The following TTC28 variants were observed in gnomAD, a reference collection of about 807,000 sequenced individuals.
The protein encoded by TTC28 is tetratricopeptide repeat domain 28, also known as tetratricopeptide repeat protein 28.
In TTC28, 61 loss-of-function variants were observed where a neutral mutation model predicts 198.0. That is an observed-to-expected ratio of 0.31 (90% CI 0.25 to 0.38). The LOEUF is 0.38. Among genes scored for constraint, TTC28 ranks in the 10% least tolerant of loss-of-function variants. The probability of loss-of-function intolerance (pLI) is 1.00; values close to 1 mark genes in which losing one functional copy is unlikely to be tolerated. For synonymous variants in TTC28, 1,171 were observed against 1,297.8 expected (o/e 0.90, Z 2.10); for missense variants, 2,678 against 3,164.0 (o/e 0.85, Z 3.69).
intron 2 of TTC28, among the ~76,000 whole-genome samples, chr22:28,553,682 C>T (rs1392687800): frequency 2.0e-5 from 3 of 151,816 alleles, no homozygotes; most frequent in Admixed American, 6.6e-5. Context: ...CCAGGCCAGC[C>T]GCCCCGTCCG....
At chr22:28,420,761 A>G (rs975245604) in intron 2 of TTC28, among the ~76,000 whole-genome samples, 4 of 151,820 alleles carry the variant, frequency 2.6e-5, no homozygotes, top group Admixed American at 2.0e-4. Flanking sequence ...TACCACGCCC[A>G]GCTAATTTTT....
intron 2 of TTC28, among the ~76,000 whole-genome samples, chr22:28,626,925 T>C (rs1212559720): frequency 6.6e-6 from 1 of 151,966 alleles, no homozygotes; most frequent in African/African-American, 2.4e-5. Flanking sequence ...TTTTGGGGTG[T>C]AGAAGTCACA....
chr22:28,232,874 G>A (rs1928922203), intron 5 of TTC28: 1 of 152,132 alleles, frequency 6.6e-6, no homozygotes, highest in South Asian at 2.1e-4. Flanking sequence ...GCTAAGGTGG[G>A]TGGATTGCCC....
intron 14 of TTC28, among the ~76,000 whole-genome samples, chr22:28,004,627 G>A (rs1285420281): frequency 6.6e-6 from 1 of 152,226 alleles, no homozygotes; most frequent in Non-Finnish European, 1.5e-5. Context: ...AATGAGGCAG[G>A]TGACAGTCGC....
chr22:28,119,107 G>A (rs1378453831), intron 6 of TTC28, among the ~76,000 whole-genome samples: 4 of 152,134 alleles, frequency 2.6e-5, no homozygotes, highest in Non-Finnish European at 5.9e-5. Flanking sequence ...ATGTGGCACA[G>A]TGCTTTATGG....
chr22:28,013,795 A>G (rs934215573), intron 14 of TTC28, among the ~76,000 whole-genome samples: 1 of 152,146 alleles, frequency 6.6e-6, no homozygotes, highest in Non-Finnish European at 1.5e-5. Context: ...CCACGGCCAC[A>G]TCCCCGAGGC....
At chr22:28,591,930 A>G (rs1329563331) in intron 2 of TTC28, among the ~76,000 whole-genome samples, 4 of 152,216 alleles carry the variant, frequency 2.6e-5, no homozygotes, top group African/African-American at 9.6e-5. Context: ...AGTATTTGAA[A>G]ATATGAATAA....
At chr22:28,542,191 C>G (rs1423635291) in intron 2 of TTC28, among the ~76,000 whole-genome samples, 1 of 152,012 alleles carries the variant, frequency 6.6e-6, no homozygotes, top group Non-Finnish European at 1.5e-5. Flanking sequence ...AAATAAAACT[C>G]ACTAGATAAA....
intron 2 of TTC28, among the ~76,000 whole-genome samples, chr22:28,613,810 T>A (rs1040510091): frequency 6.6e-6 from 1 of 152,156 alleles, no homozygotes. Context: ...TAATAAGAAC[T>A]ATTTATGATA....
intron 5 of TTC28, among the ~76,000 whole-genome samples, chr22:28,209,184 T>G (rs1456369847): frequency 6.6e-6 from 1 of 152,178 alleles, no homozygotes. Context: ...GAGAGAAGAC[T>G]GGGATGGCCG....
At chr22:28,266,274 G>A (rs745690733) in intron 5 of TTC28, among the ~76,000 whole-genome samples, 5 of 151,922 alleles carry the variant, frequency 3.3e-5, no homozygotes, top group African/African-American at 7.3e-5. Context: ...TCTTAGTCCC[G>A]TTTTCCCTTC....
At chr22:28,206,205 TG>T (rs1426619280) in intron 5 of TTC28, among the ~76,000 whole-genome samples, 1 of 152,128 alleles carries the variant, frequency 6.6e-6, no homozygotes, top group East Asian at 1.9e-4. Flanking sequence ...GATCACAGAC[TG>T]GTAAGTGATG....
At chr22:28,145,027 A>G (rs1361749021) in intron 6 of TTC28, among the ~76,000 whole-genome samples, 1 of 152,234 alleles carries the variant, frequency 6.6e-6, no homozygotes, top group African/African-American at 2.4e-5. Flanking sequence ...AGGTCACCTC[A>G]CTTTGAAGCC....
chr22:27,989,926 C>G lies in TTC28; in HGVS notation c.5659G>C (p.Val1887Leu). Residue 1887 changes from valine (V) to leucine (L), a missense_variant, in exon 21 of 23, where the codon GTC becomes CTC. Physicochemically the swap from Val to Leu is conservative, Grantham distance 32. Transcript: ENST00000397906. ...ASAPIQVSISVQLWRLPGCHE... is the reference protein window; with the variant it reads ...ASAPIQVSISLQLWRLPGCHE... ...CATCCCGGGAGCCGCCACAGCTGGA[C>G]GCTGATGGAGACCTGAATGGGAGCT... 6.4e-7 allele frequency: 1 copy of G among 1,551,432 alleles called. No homozygotes were observed. The highest frequency in any genetic ancestry group is 8.7e-7 in the Non-Finnish European group (1 of 1,146,920).
intron 5 of TTC28, among the ~76,000 whole-genome samples, chr22:28,186,223 T>C (rs1601443534): frequency 6.6e-6 from 1 of 152,198 alleles, no homozygotes; most frequent in South Asian, 2.1e-4. Flanking sequence ...CCCCCACAGA[T>C]ATAAAAATTA....
chr22:28,169,637 A>G (rs1048168735), intron 5 of TTC28, among the ~76,000 whole-genome samples: 36 of 152,104 alleles, frequency 2.4e-4, no homozygotes, highest in African/African-American at 8.5e-4. Context: ...ACATGGACAC[A>G]GGAAGGGGAA....
At chr22:28,644,272 A>C (rs557976053) in intron 1 of TTC28, among the ~76,000 whole-genome samples, 30 of 151,878 alleles carry the variant, frequency 2.0e-4, no homozygotes, top group Non-Finnish European at 3.2e-4. Flanking sequence ...GGTGGCAGGC[A>C]CCTGTAGTCC....
intron 5 of TTC28, among the ~76,000 whole-genome samples, chr22:28,272,879 C>G (rs1932179687): frequency 6.6e-6 from 1 of 152,110 alleles, no homozygotes; most frequent in Non-Finnish European, 1.5e-5. Context: ...CCACTACCCT[C>G]AAGACACTAT....
At chr22:28,482,099 T>C (rs2048254506) in intron 2 of TTC28, among the ~76,000 whole-genome samples, 1 of 152,106 alleles carries the variant, frequency 6.6e-6, no homozygotes, top group South Asian at 2.1e-4. Context: ...CAATCAAATA[T>C]TTTTCTTCTC....
Sources: gnomAD v4.1 joint callset for allele counts (sites outside exome capture counted in the v4.1 genomes callset) on GRCh38, gnomAD v4.1.1 for gene constraint, MANE v1.5 for transcripts, NCBI Gene and HGNC (gene_info 2026-07-23, HGNC 2026-07-21) for gene names.